The following NBAS variants were observed in gnomAD, a reference collection of about 807,000 sequenced individuals.
The protein encoded by NBAS is NAG/BC035112 fusion.
NBAS carries 219 observed loss-of-function variants against 302.5 expected under a neutral mutation model. The ratio of observed to expected loss-of-function variants is 0.72; its 90% CI spans 0.65 to 0.81. The LOEUF is 0.81. NBAS is among the 30% of genes least tolerant of loss of function. The pLI is 0.00. For synonymous variants in NBAS, 1,118 were observed against 1,021.6 expected (o/e 1.09, Z -1.80); for missense variants, 2,932 against 2,841.6 (o/e 1.03, Z -0.72).
intron 38 of NBAS, among the ~76,000 whole-genome samples, chr2:15,311,703 C>G (rs10197214): frequency 0.24 from 35,975 of 152,132 alleles, 4,648 homozygotes; most frequent in Middle Eastern, 0.39. Flanking sequence ...GAGCACTCAG[C>G]AATCATTTGA....
At chr2:14,894,172 C>T in the NBAS span, among the ~76,000 whole-genome samples, 1 of 152,092 alleles carries the variant, frequency 6.6e-6, no homozygotes, top group Non-Finnish European at 1.5e-5. Flanking sequence ...TTCATACATA[C>T]CTTCTCAGAA....
intron 22 of NBAS, among the ~76,000 whole-genome samples, chr2:15,426,882 C>A (rs1169491039): frequency 6.6e-6 from 1 of 152,016 alleles, no homozygotes; most frequent in Non-Finnish European, 1.5e-5. Context: ...TTTTGAGGGC[C>A]ATATCTCAGT....
the NBAS span, among the ~76,000 whole-genome samples, chr2:14,853,660 T>G: frequency 1.0e-5 from 1 of 95,912 alleles, no homozygotes; most frequent in Admixed American, 9.9e-5. Flanking sequence ...TAGCAAAGAC[T>G]TGGAACCAAC....
intron 9 of NBAS, among the ~76,000 whole-genome samples, chr2:15,522,393 T>C (rs1336773534): frequency 6.6e-6 from 1 of 152,030 alleles, no homozygotes; most frequent in Non-Finnish European, 1.5e-5. Context: ...CATCAAGATA[T>C]GGGAATACAT....
chr2:14,812,846 T>C, the NBAS span, among the ~76,000 whole-genome samples: 44 of 152,160 alleles, frequency 2.9e-4, no homozygotes, highest in African/African-American at 9.6e-4. Flanking sequence ...TGATTCTGAG[T>C]TTTGGAGGTG....
At chr2:14,788,988 G>C in the NBAS span, among the ~76,000 whole-genome samples, 9 of 152,240 alleles carry the variant, frequency 5.9e-5, no homozygotes, top group Non-Finnish European at 1.2e-4. Context: ...GCTCCACCCA[G>C]TTGGAGCTTC....
At chr2:15,161,950 G>T (rs1663910253), downstream of NBAS, among the ~76,000 whole-genome samples, 2 of 152,068 alleles carry the variant, frequency 1.3e-5, no homozygotes, top group Non-Finnish European at 2.9e-5. Context: ...ACGTGCAGAT[G>T]GTCAATACCT....
chr2:14,952,704 C>G, the NBAS span, among the ~76,000 whole-genome samples: 1 of 152,322 alleles, frequency 6.6e-6, no homozygotes, highest in Admixed American at 6.5e-5. Context: ...ATAATCTTCC[C>G]AGCAGGGAGT....
the NBAS span, among the ~76,000 whole-genome samples, chr2:14,877,859 C>G: frequency 6.6e-6 from 1 of 152,170 alleles, no homozygotes; most frequent in African/African-American, 2.4e-5. Flanking sequence ...AGCTTTCTGG[C>G]TTTATATTTC....
chr2:15,535,307 G>C (rs533508335), intron 8 of NBAS, among the ~76,000 whole-genome samples: 1 of 152,052 alleles, frequency 6.6e-6, no homozygotes, highest in Non-Finnish European at 1.5e-5. Flanking sequence ...AGATCACAAC[G>C]TCAGGAGATC....
intron 21 of NBAS, among the ~76,000 whole-genome samples, chr2:15,429,956 T>C (rs1284827458): frequency 2.0e-5 from 3 of 152,178 alleles, no homozygotes; most frequent in Non-Finnish European, 4.4e-5. Flanking sequence ...ATGATGATGA[T>C]TACTCTTCCG....
chr2:14,966,142 G>C, the NBAS span, among the ~76,000 whole-genome samples: 1 of 152,166 alleles, frequency 6.6e-6, no homozygotes, highest in Non-Finnish European at 1.5e-5. Flanking sequence ...ATAAGTCCAA[G>C]AGCCTTCAGG....
chr2:15,526,356 T>C (rs1662912563), intron 9 of NBAS, among the ~76,000 whole-genome samples: 1 of 152,204 alleles, frequency 6.6e-6, no homozygotes, highest in African/African-American at 2.4e-5. Context: ...CCTCAGTTTC[T>C]CTTCTTCAAC....
chr2:14,956,989 C>A, the NBAS span, among the ~76,000 whole-genome samples: 2 of 152,018 alleles, frequency 1.3e-5, no homozygotes, highest in Non-Finnish European at 2.9e-5. Flanking sequence ...CAGGGTAGTC[C>A]CTCATCCAAC....
the NBAS span, among the ~76,000 whole-genome samples, chr2:14,932,751 G>A: frequency 6.6e-6 from 1 of 152,214 alleles, no homozygotes; most frequent in East Asian, 1.9e-4. Context: ...TGCTGAAAAA[G>A]TGGAGGCAGT....
intron 23 of NBAS, among the ~76,000 whole-genome samples, chr2:15,418,868 A>G (rs1677072048): frequency 6.6e-6 from 1 of 152,200 alleles, no homozygotes; most frequent in African/African-American, 2.4e-5. Context: ...GCTAAGGAAC[A>G]CGCAGCTGAT....
At chr2:15,392,065 C>T (rs1442919804) in intron 28 of NBAS, among the ~76,000 whole-genome samples, 2 of 151,278 alleles carry the variant, frequency 1.3e-5, no homozygotes, top group Non-Finnish European at 3.0e-5. Context: ...AAAGAAAATG[C>T]AACCAGATGG....
chr2:15,041,650 C>G, the NBAS span, among the ~76,000 whole-genome samples: 282 of 152,312 alleles, frequency 1.9e-3, 1 homozygote, highest in Middle Eastern at 6.8e-3. Context: ...TATCTCAGGA[C>G]AGCAGTAAGT....
chr2:15,559,593 C>A (rs913544291), intron 1 of NBAS, among the ~76,000 whole-genome samples: 1 of 152,134 alleles, frequency 6.6e-6, no homozygotes, highest in Non-Finnish European at 1.5e-5. Flanking sequence ...TGGATTCATG[C>A]AAGACACAAT....
Sources: allele counts gnomAD v4.1 joint callset (sites outside exome capture counted in the v4.1 genomes callset), GRCh38; gene constraint gnomAD v4.1.1; transcripts MANE v1.5; gene names NCBI Gene and HGNC (gene_info 2026-07-23, HGNC 2026-07-21).